The following AZIN2 variants were observed in gnomAD, a reference collection of about 807,000 sequenced individuals.
The protein encoded by AZIN2 is antizyme inhibitor 2.
Under a neutral mutation model 47.8 loss-of-function variants are expected in AZIN2, and 28 were observed. That is an observed-to-expected ratio of 0.59 (90% CI 0.43 to 0.80). The LOEUF (loss-of-function observed/expected upper bound fraction) is 0.80. Ranked by LOEUF, AZIN2 falls within the 30% of genes least tolerant of loss-of-function variation. The probability of loss-of-function intolerance (pLI) is 0.00; values close to 1 mark genes in which losing one functional copy is unlikely to be tolerated. For synonymous variants in AZIN2, 221 were observed against 239.4 expected, an observed-to-expected ratio of 0.92 and a Z score of 0.71; for missense variants, 535 against 582.5, an observed-to-expected ratio of 0.92 and a Z score of 0.84.
rs193217517 is a variant in AZIN2, at chr1:33,123,421, A to G, written c.*3239A>G. 3.2e-4 allele frequency among the ~76,000 whole-genome samples: 49 copies of G among 152,338 alleles called. No homozygotes were observed. The highest frequency in any genetic ancestry group is 1.2e-3 in the African/African-American group (48 of 41,586). ...TACCTAGAACGGAGTAGGTGTTCAA[A>G]AAGTATATGCTGGATGGGCAAATGA... On this transcript the variant is annotated 3_prime_UTR_variant, in exon 12 of 12. Transcript: ENST00000294517.
At chr1:33,106,029 A>T (rs1329036430) in intron 10 of AZIN2, among the ~76,000 whole-genome samples, 1 of 152,206 alleles carries the variant, frequency 6.6e-6, no homozygotes, top group African/African-American at 2.4e-5. Flanking sequence ...GTGTGTCCCT[A>T]GACTAAGAAG....
At chr1:33,091,945 G>GCCTC in intron 5 of AZIN2, 105 bp from the exon 6 acceptor site, 1 of 1,225,076 alleles carries the variant, frequency 8.2e-7, no homozygotes, top group Non-Finnish European at 1.2e-6. Context: ...ACTGTTATGG[G>GCCTC]CCTCCCTATG....
At chr1:33,115,573 C>T (rs918280630) in intron 10 of AZIN2, among the ~76,000 whole-genome samples, 7 of 150,136 alleles carry the variant, frequency 4.7e-5, no homozygotes, top group Admixed American at 6.7e-5. Context: ...GTGTGGTGGC[C>T]GGCACCTGTA....
chr1:33,093,527 C>A, intron 7 of AZIN2, 111 bp downstream of exon 7: 1 of 1,345,864 alleles, frequency 7.4e-7, no homozygotes, highest in South Asian at 1.5e-5. Flanking sequence ...GGGCCTGTCC[C>A]TGGGCCTGGA....
At position 33,113,002 on chromosome 1, in the gene AZIN2, C is replaced by T. The variant is rs1644356571; in HGVS notation, c.1030-4900C>T. Among the ~76,000 whole-genome samples, 1 of 152,118 alleles carries T rather than the reference C, an allele frequency of 6.6e-6. No homozygotes were observed. Among genetic ancestry groups the T allele is most frequent in the African/African-American group, 2.4e-5 (1 of 41,410 alleles). Reference sequence around the variant, plus strand: ...TTATTTATTTTTTTTGAGACGGCGTCTCGCTCTGTTGCCCAGGCTGGAGTG... The same window carrying T: ...TTATTTATTTTTTTTGAGACGGCGTTTCGCTCTGTTGCCCAGGCTGGAGTG... On this transcript the variant is annotated intron_variant, in intron 10 of 11. Coordinates refer to ENST00000294517, the MANE Select transcript of AZIN2 (RefSeq NM_052998.4). This position sits in a 1 kb window ranked among gnomAD's most constrained non-coding sequence, Gnocchi z 4.1.
the AZIN2 span, among the ~76,000 whole-genome samples, chr1:33,151,201 C>T: frequency 6.6e-6 from 1 of 152,144 alleles, no homozygotes; most frequent in Admixed American, 6.5e-5. Context: ...GAAATCCTGA[C>T]CCAGTGAATG....
At chr1:33,082,706 T>C in intron 4 of AZIN2, 1 of 193,960 alleles carries the variant, frequency 5.2e-6, no homozygotes, top group Non-Finnish European at 1.1e-5. Context: ...AGTTCAGTCT[T>C]CCTCTCTCCA....
chr1:33,155,197 G>A, the AZIN2 span, among the ~76,000 whole-genome samples: 27 of 151,388 alleles, frequency 1.8e-4, no homozygotes, highest in South Asian at 4.2e-4. Flanking sequence ...TCAGCCTCCC[G>A]AGTAATTGGG....
At chr1:33,099,956 A>C (rs1643536574) in intron 10 of AZIN2, among the ~76,000 whole-genome samples, 1 of 152,130 alleles carries the variant, frequency 6.6e-6, no homozygotes, top group Admixed American at 6.5e-5. Context: ...CCTTACAAGT[A>C]TTAGTTTTGG....
chr1:33,106,387 G>A (rs946053325), intron 10 of AZIN2, among the ~76,000 whole-genome samples: 2 of 152,130 alleles, frequency 1.3e-5, no homozygotes, highest in Non-Finnish European at 2.9e-5. Context: ...CCACAAAACT[G>A]AAGCAGAGGG....
intron 10 of AZIN2, among the ~76,000 whole-genome samples, chr1:33,109,667 T>C (rs1224628391): frequency 6.6e-6 from 1 of 152,156 alleles, no homozygotes; most frequent in Non-Finnish European, 1.5e-5. Flanking sequence ...TTAATTTTAA[T>C]AAAGTCCAGT....
At position 33,120,378 on chromosome 1, in the gene AZIN2, A is replaced by C. The variant is rs945997525; in HGVS notation, c.*196A>C. 1.3e-6 allele frequency: 1 copy of C among 755,328 alleles called. No homozygotes were observed. The highest frequency in any genetic ancestry group is 1.8e-5 in the African/African-American group (1 of 56,394). 46.8% of individuals were successfully genotyped at this position (755,328 alleles called of 1,614,324 possible). A position where few individuals can be genotyped will look rare whatever the true frequency, so the allele number is the denominator to read the frequency against. On this transcript the variant is annotated 3_prime_UTR_variant, in exon 12 of 12. Coordinates refer to ENST00000294517, the MANE Select transcript of AZIN2 (RefSeq NM_052998.4). ...TCGCTGTAGTTCAAGTATGCAACAT[A>C]AATCCTGTTCCTTCCAGCTGTGTCT...
At chr1:33,136,124 T>TTCCG in the AZIN2 span, among the ~76,000 whole-genome samples, 1 of 129,246 alleles carries the variant, frequency 7.7e-6, no homozygotes, top group South Asian at 2.6e-4. Context: ...CCTTCCTTCC[T>TTCCG]TCCTTCCTTC....
intron 6 of AZIN2, 139 bp from the exon 7 acceptor site, chr1:33,093,143 T>G: frequency 9.3e-7 from 1 of 1,078,762 alleles, no homozygotes; most frequent in South Asian, 1.5e-5. Flanking sequence ...TGATTGGCTG[T>G]GTAGGGAGAG....
the AZIN2 span, among the ~76,000 whole-genome samples, chr1:33,155,093 AAAAG>A: frequency 1.4e-5 from 2 of 141,276 alleles, no homozygotes; most frequent in African/African-American, 5.1e-5. Flanking sequence ...ACTCCATCTC[AAAAG>A]GTCTCGCTCT....
Position 33,113,255 on chromosome 1 carries a change from A to G in AZIN2, c.1030-4647A>G, listed in dbSNP as rs757849648. 1.3e-5 allele frequency among the ~76,000 whole-genome samples: 2 copies of G among 152,208 alleles called. No individual in the cohort carries two copies. The highest frequency in any genetic ancestry group is 6.5e-5 in the Admixed American group (1 of 15,282). On this transcript the variant is annotated intron_variant, in intron 10 of 11. Coordinates refer to ENST00000294517, the MANE Select transcript of AZIN2 (RefSeq NM_052998.4). The surrounding 1 kb of genome is among the most constrained non-coding windows in gnomAD (Gnocchi z 4.1). ...AGTGTTGGGATTCCAGGCGTGAGCC[A>G]CCGCGCCCAGCTGGTTTTATTATTT...
At position 33,087,497 on chromosome 1, in the gene AZIN2, C is replaced by T. The variant is rs566311520; in HGVS notation, c.279+3370C>T. On this transcript the variant is annotated intron_variant, in intron 5 of 11. Coordinates refer to ENST00000294517, the MANE Select transcript of AZIN2 (RefSeq NM_052998.4). ...TGTTGCCCAGGGTGGAGTGCAGTGG[C>T]GTGATCTCAGTTCACTGCAACCTCT... Among the ~76,000 whole-genome samples, 39 of 151,520 alleles carry T rather than the reference C, an allele frequency of 2.6e-4. No homozygotes were observed. The South Asian group carries it at 7.1e-3, about 27-fold the overall frequency.
intron 10 of AZIN2, among the ~76,000 whole-genome samples, chr1:33,103,958 C>T (rs570638681): frequency 2.2e-4 from 33 of 151,728 alleles, no homozygotes; most frequent in Non-Finnish European, 5.9e-5. Context: ...TCTTGGCTCA[C>T]TGCAACCTCT....
chr1:33,107,395 T>C (rs1477364761), intron 10 of AZIN2, among the ~76,000 whole-genome samples: 1 of 151,796 alleles, frequency 6.6e-6, no homozygotes, highest in African/African-American at 2.4e-5. Flanking sequence ...GCCTGGACAA[T>C]ATGGTGAAGC....
Sources: gnomAD v4.1 joint callset for allele counts (sites outside exome capture counted in the v4.1 genomes callset) on GRCh38, gnomAD v4.1.1 for gene constraint, Gnocchi (gnomAD v3.1) non-coding constraint, MANE v1.5 for transcripts, NCBI Gene and HGNC (gene_info 2026-07-23, HGNC 2026-07-21) for gene names.